ARHGEF26: variants seen among roughly 807,000 people sequenced by gnomAD.
The protein encoded by ARHGEF26 is Rho guanine nucleotide exchange factor (GEF) 26.
Under a neutral mutation model 89.4 loss-of-function variants are expected in ARHGEF26, and 59 were observed. That is an observed-to-expected ratio of 0.66 (90% confidence interval 0.54 to 0.82). ARHGEF26 has a LOEUF of 0.82. ARHGEF26 is among the 40% of genes least tolerant of loss of function. The probability of loss-of-function intolerance (pLI) is 0.00; values close to 1 mark genes in which losing one functional copy is unlikely to be tolerated. For synonymous variants in ARHGEF26, 500 were observed against 428.4 expected, an observed-to-expected ratio of 1.17 and a Z score of -2.06; for missense variants, 1,234 against 1,085.6, an observed-to-expected ratio of 1.14 and a Z score of -1.92.
chr3:154,207,287 G>T (rs995488989), intron 9 of ARHGEF26, among the ~76,000 whole-genome samples: 31 of 152,260 alleles, frequency 2.0e-4, no homozygotes, highest in African/African-American at 6.3e-4. Context: ...CTTCTGCACA[G>T]CAAAGGAAAC....
intron 11 of ARHGEF26, among the ~76,000 whole-genome samples, chr3:154,236,448 T>A (rs1717131217): frequency 6.6e-6 from 1 of 152,230 alleles, no homozygotes; most frequent in Non-Finnish European, 1.5e-5. Context: ...AGTCTCCATA[T>A]AAACTTCTCC....
intron 9 of ARHGEF26, among the ~76,000 whole-genome samples, chr3:154,207,303 A>G (rs1192116258): frequency 6.6e-6 from 1 of 152,152 alleles, no homozygotes; most frequent in Non-Finnish European, 1.5e-5. Context: ...GAAACTCTCA[A>G]CAGAGTAAAC....
At chr3:154,183,950 T>C in intron 6 of ARHGEF26, among the ~76,000 whole-genome samples, 1 of 151,958 alleles carries the variant, frequency 6.6e-6, no homozygotes, top group East Asian at 1.9e-4. Context: ...AACGGCCTTA[T>C]GGTTTCTTCT....
chr3:154,181,118 A>T (rs1345048731), intron 6 of ARHGEF26, among the ~76,000 whole-genome samples: 1 of 152,164 alleles, frequency 6.6e-6, no homozygotes, highest in Non-Finnish European at 1.5e-5. Context: ...CTTCAGTGTC[A>T]ATGTGACCAC....
chr3:154,184,891 C>G (rs1713423135), intron 6 of ARHGEF26, among the ~76,000 whole-genome samples: 1 of 152,202 alleles, frequency 6.6e-6, no homozygotes, highest in South Asian at 2.1e-4. Flanking sequence ...CCCTGCTCTG[C>G]AGTCTTCTTT....
At chr3:154,156,569 ACT>A (rs891639586) in intron 6 of ARHGEF26, among the ~76,000 whole-genome samples, 14 of 152,200 alleles carry the variant, frequency 9.2e-5, no homozygotes, top group African/African-American at 2.6e-4. Context: ...TTACATGATA[ACT>A]CTGTCTATAT....
intron 11 of ARHGEF26, among the ~76,000 whole-genome samples, chr3:154,231,513 C>T (rs898320504): frequency 6.6e-6 from 1 of 152,118 alleles, no homozygotes; most frequent in Non-Finnish European, 1.5e-5. Context: ...GCACATAAAG[C>T]TCTTACTACA....
chr3:154,141,481 G>T (rs1315215924), intron 4 of ARHGEF26, among the ~76,000 whole-genome samples: 1 of 152,204 alleles, frequency 6.6e-6, no homozygotes, highest in East Asian at 1.9e-4. Flanking sequence ...GGCACAAAAT[G>T]TGGTCCCTTG....
chr3:154,165,487 A>G lies in ARHGEF26; in HGVS notation c.1487+12555A>G, dbSNP rs921347676. Among the ~76,000 whole-genome samples the G allele has an allele frequency of 3.9e-5, 6 of 152,302 alleles. No individual in the cohort carries two copies. The South Asian group carries it at 8.3e-4, about 21-fold the overall frequency. ...TTCTCTGCATGCTGTTGAATAAAGC[A>G]TATTTTTCCGGACTCTTTGAAGACC... On this transcript the variant is annotated intron_variant, in intron 6 of 14. Coordinates refer to ENST00000465093, the MANE Select transcript of ARHGEF26 (RefSeq NM_015595.4).
At chr3:154,183,644 TA>T (rs1713317943) in intron 6 of ARHGEF26, among the ~76,000 whole-genome samples, 1 of 152,260 alleles carries the variant, frequency 6.6e-6, no homozygotes, top group African/African-American at 2.4e-5. Context: ...ATAGATCATT[TA>T]ACATAGAAAG....
chr3:154,124,372 C>CTTTTTTTTTTTTTTTTTTTTT (rs10688646), intron 2 of ARHGEF26, 38 bp from the exon 3 acceptor site: 53 of 1,010,628 alleles, frequency 5.2e-5, no homozygotes, highest in East Asian at 2.0e-4. Context: ...TTTGCTTTTC[C>CTTTTTTTTTTTTTTTTTTTTT]TTTTTTTTTT....
Position 154,122,684 on chromosome 3 carries a change from C to T in ARHGEF26, c.692C>T (p.Pro231Leu). 6.2e-7 allele frequency: 1 copy of T among 1,613,858 alleles called. No homozygotes were observed. The change falls in exon 2 of 15, where the codon CCT becomes CTT. Residue 231 changes from proline to leucine, a missense_variant. Physicochemically the swap from Pro to Leu is moderately conservative, Grantham distance 98. Transcript: ENST00000465093. ...CAGGAGAACGAGCTCCTCGAGAATC[C>T]TTCCGTGGTTTTGAGTACAAACAGC... ...PSQENELLEN[P>L]SVVLSTNSPA...
At chr3:154,132,745 GTATA>G (rs1177273526) in intron 4 of ARHGEF26, among the ~76,000 whole-genome samples, 1 of 151,906 alleles carries the variant, frequency 6.6e-6, no homozygotes, top group African/African-American at 2.4e-5. Flanking sequence ...ATATGTGTGT[GTATA>G]TATAGAGTTG....
At chr3:154,182,353 C>T (rs1004196837) in intron 6 of ARHGEF26, among the ~76,000 whole-genome samples, 5 of 151,934 alleles carry the variant, frequency 3.3e-5, no homozygotes, top group African/African-American at 9.7e-5. Context: ...AAAAGGGGAG[C>T]GAGAATAGGA....
At chr3:154,210,082 C>G (rs1240565808) in intron 9 of ARHGEF26, among the ~76,000 whole-genome samples, 1 of 152,140 alleles carries the variant, frequency 6.6e-6, no homozygotes, top group African/African-American at 2.4e-5. Context: ...CCTGAAGATC[C>G]AAGGGTTCTT....
chr3:154,189,053 C>T (rs1222439394), intron 7 of ARHGEF26, among the ~76,000 whole-genome samples: 1 of 152,150 alleles, frequency 6.6e-6, no homozygotes, highest in Admixed American at 6.5e-5. Flanking sequence ...CCACACCCAT[C>T]ACTTCCTCAC....
chr3:154,221,554 A>G (rs920513667), intron 10 of ARHGEF26, among the ~76,000 whole-genome samples: 1 of 152,208 alleles, frequency 6.6e-6, no homozygotes, highest in Non-Finnish European at 1.5e-5. Flanking sequence ...GTAATAGTGA[A>G]AGATGAGGAA....
intron 11 of ARHGEF26, among the ~76,000 whole-genome samples, chr3:154,231,019 C>A (rs1282553204): frequency 6.6e-6 from 1 of 152,092 alleles, no homozygotes; most frequent in Non-Finnish European, 1.5e-5. Flanking sequence ...CTGAAAATCA[C>A]CTGATACCTG....
chr3:154,128,115 T>C (rs1274902474), intron 3 of ARHGEF26, among the ~76,000 whole-genome samples: 1 of 152,188 alleles, frequency 6.6e-6, no homozygotes, highest in Non-Finnish European at 1.5e-5. Context: ...TGTAGGTATG[T>C]ATTTGTGTAA....
Sources: gnomAD v4.1 joint callset for allele counts (sites outside exome capture counted in the v4.1 genomes callset) on GRCh38, gnomAD v4.1.1 for gene constraint, MANE v1.5 for transcripts, NCBI Gene and HGNC (gene_info 2026-07-23, HGNC 2026-07-21) for gene names.